Variants in XIAP observed in about 807,000 individuals in gnomAD.
XIAP encodes the protein X-linked inhibitor of apoptosis, also known as E3 ubiquitin-protein ligase XIAP.
A neutral mutation model predicts 33.1 loss-of-function variants in XIAP; 3 were observed. That is an observed-to-expected ratio of 0.09 (90% confidence interval 0.04 to 0.23). The LOEUF (loss-of-function observed/expected upper bound fraction) is 0.23. XIAP is among the 10% of genes least tolerant of loss of function. XIAP has a pLI of 1.00. For synonymous variants in XIAP, 98 were observed against 121.3 expected (o/e 0.81, Z 1.26); for missense variants, 264 against 363.0 (o/e 0.73, Z 2.22).
intron 1 of XIAP, among the ~76,000 whole-genome samples, chrX:123,867,228 G>A (rs1027671963): frequency 9.4e-6 from 1 of 106,158 alleles, no homozygotes. Context: ...CCGCCACCAC[G>A]CCTGGCTAAT....
chrX:123,866,501 AAT>A (rs1162476177), intron 1 of XIAP, among the ~76,000 whole-genome samples: 2 of 96,021 alleles, frequency 2.1e-5, no homozygotes, highest in Admixed American at 2.5e-4. Flanking sequence ...ATTAATATAT[AAT>A]ATATGATATA....
At chrX:123,873,302 G>T (rs2053211652) in intron 1 of XIAP, among the ~76,000 whole-genome samples, 1 of 109,214 alleles carries the variant, frequency 9.2e-6, no homozygotes, top group Non-Finnish European at 1.9e-5. Context: ...AAAGTGCTGG[G>T]ATTACAGGCG....
intron 6 of XIAP, among the ~76,000 whole-genome samples, chrX:123,904,354 T>G (rs142387576): frequency 9.4e-4 from 106 of 112,367 alleles, no homozygotes; most frequent in Non-Finnish European, 1.7e-3. Context: ...TTTTTTGGTG[T>G]TGATGCTTTC....
At chrX:123,874,206 T>G (rs1320363236) in intron 1 of XIAP, among the ~76,000 whole-genome samples, 1 of 111,690 alleles carries the variant, frequency 9.0e-6, no homozygotes, top group African/African-American at 3.3e-5. Context: ...GTTGGCAGGA[T>G]TGTACAAGGG....
At position 123,888,004 on chromosome X, in the gene XIAP, TAATAAATAAATA is replaced by T. The variant is rs911261667; in HGVS notation, c.878-591_878-580del. Among the ~76,000 whole-genome samples, 92 of 66,523 alleles carry T rather than the reference TAATAAATAAATA, an allele frequency of 1.4e-3. 1 individual carries two copies. The South Asian group carries it at 0.048, about 35-fold the overall frequency. 57.8% of individuals were successfully genotyped at this position (66,523 alleles called of 115,157 possible). ...CATCTCAGAAAAAAATAATAATAAT[TAATAAATAAATA>T]AATAAATAAATAAATAAATAAATGA... On this transcript the variant is annotated intron_variant, in intron 2 of 6. Transcript: ENST00000371199.
intron 5 of XIAP, among the ~76,000 whole-genome samples, chrX:123,897,087 A>G (rs1319017491): frequency 1.9e-5 from 2 of 107,765 alleles, no homozygotes; most frequent in African/African-American, 6.8e-5. Context: ...GTGCACCACC[A>G]TGCCTGGCTA....
intron 2 of XIAP, 71 bp downstream of exon 2, chrX:123,886,610 C>T (rs28382724): frequency 9.2e-7 from 1 of 1,084,218 alleles, no homozygotes; most frequent in African/African-American, 1.8e-5. Context: ...AAATAGATGC[C>T]CTTAGCCCCC....
chrX:123,882,522 A>T (rs1316979340), intron 1 of XIAP, among the ~76,000 whole-genome samples: 1 of 111,501 alleles, frequency 9.0e-6, no homozygotes, highest in Non-Finnish European at 1.9e-5. Flanking sequence ...CTCCCTAAGG[A>T]TGTTAAACTT....
intron 1 of XIAP, among the ~76,000 whole-genome samples, chrX:123,868,207 C>T (rs2053162068): frequency 1.8e-5 from 2 of 110,091 alleles, no homozygotes; most frequent in South Asian, 3.9e-4. Flanking sequence ...CTGTGAAGAT[C>T]GCTTGAGCCC....
At position 123,906,976 on chromosome X, in the gene XIAP, C is replaced by A; in HGVS notation, c.1301-12C>A. On this transcript the variant is annotated splice_polypyrimidine_tract_variant and intron_variant, in intron 6 of 6. Transcript: ENST00000371199. ...AGTCTAAAACTAGCATAATTATTTT[C>A]TCTTTTTGCAGAGATTAGTACTGAA... The A allele has an allele frequency of 8.3e-7, 1 of 1,209,967 alleles. No homozygotes were observed. The highest frequency in any genetic ancestry group is 1.8e-5 in the South Asian group (1 of 56,793).
chrX:123,897,759 C>T (rs1195103580), intron 5 of XIAP, among the ~76,000 whole-genome samples: 2 of 111,688 alleles, frequency 1.8e-5, no homozygotes, highest in Non-Finnish European at 3.8e-5. Context: ...GACAGGGTTT[C>T]GCCATGTTGG....
intron 1 of XIAP, among the ~76,000 whole-genome samples, chrX:123,872,049 C>T (rs1387464674): frequency 1.8e-5 from 2 of 111,122 alleles, no homozygotes; most frequent in Non-Finnish European, 3.8e-5. Flanking sequence ...TGCAGTGAGC[C>T]GAGATTGTGC....
intron 5 of XIAP, among the ~76,000 whole-genome samples, chrX:123,895,554 T>G (rs1486042469): frequency 8.9e-6 from 1 of 111,961 alleles, no homozygotes; most frequent in African/African-American, 3.2e-5. Context: ...CTGCACCCTT[T>G]AACATTCCTA....
intron 6 of XIAP, among the ~76,000 whole-genome samples, chrX:123,902,159 A>G (rs1338709232): frequency 1.8e-5 from 2 of 112,226 alleles, no homozygotes; most frequent in Admixed American, 9.6e-5. Context: ...ACCTTAATGT[A>G]TCTGCAGCAG....
At chrX:123,860,783 T>G (rs2053071948) in intron 1 of XIAP, among the ~76,000 whole-genome samples, 1 of 112,008 alleles carries the variant, frequency 8.9e-6, no homozygotes, top group South Asian at 3.6e-4. Flanking sequence ...TGACTTTGTT[T>G]CATTATTTTA....
At chrX:123,871,393 ACT>A (rs1445249853) in intron 1 of XIAP, among the ~76,000 whole-genome samples, 3 of 112,345 alleles carry the variant, frequency 2.7e-5, no homozygotes, top group Non-Finnish European at 5.6e-5. Flanking sequence ...CTTTCTAATC[ACT>A]CTGTCAGAAT....
In XIAP at chrX:123,876,582, A is replaced by T. The variant is rs555060248; in HGVS notation, c.-32-9049A>T. On this transcript the variant is annotated intron_variant, in intron 1 of 6. Transcript: ENST00000371199. ...TAGCAGGGCATGGTGGCATGTGGCT[A>T]TAGTCCCAGCTACTCAGGAGGCTGA... 4.5e-5 allele frequency among the ~76,000 whole-genome samples: 5 copies of T among 110,848 alleles called. No individual in the cohort carries two copies. In the South Asian group the frequency reaches 1.5e-3, roughly 34 times the overall value.
intron 6 of XIAP, among the ~76,000 whole-genome samples, chrX:123,904,229 G>A (rs919792488): frequency 9.0e-6 from 1 of 111,126 alleles, no homozygotes; most frequent in East Asian, 2.9e-4. Flanking sequence ...GAGCCACCGC[G>A]CCCAGCCTGT....
At chrX:123,893,423 T>C (rs1019490924) in intron 5 of XIAP, among the ~76,000 whole-genome samples, 1 of 109,655 alleles carries the variant, frequency 9.1e-6, no homozygotes, top group African/African-American at 3.3e-5. Flanking sequence ...CTTGGGAGGC[T>C]GAGGCAGGAG....
Sources: gnomAD v4.1 joint callset for allele counts (sites outside exome capture counted in the v4.1 genomes callset) on GRCh38, gnomAD v4.1.1 for gene constraint, MANE v1.5 for transcripts, NCBI Gene and HGNC (gene_info 2026-07-23, HGNC 2026-07-21) for gene names.